CACNA2D2: variants seen among roughly 807,000 people sequenced by gnomAD.
The protein encoded by CACNA2D2 is voltage-dependent calcium channel subunit alpha-2/delta-2.
CACNA2D2 carries 48 observed loss-of-function variants against 166.4 expected under a neutral mutation model. The ratio of observed to expected loss-of-function variants is 0.29; its 90% CI spans 0.23 to 0.37. The LOEUF is 0.37. Ranked by LOEUF, CACNA2D2 falls within the 10% of genes least tolerant of loss-of-function variation. CACNA2D2 has a pLI of 1.00. For synonymous variants in CACNA2D2, 561 were observed against 573.7 expected (o/e 0.98, Z 0.32); for missense variants, 1,122 against 1,433.0 (o/e 0.78, Z 3.50).
chr3:50,367,434 C>T lies in CACNA2D2; in HGVS notation c.2361G>A (p.Leu787=), dbSNP rs755582051. Residue 787 remains leucine, a synonymous_variant, in exon 27 of 38, where the codon CTG becomes CTA. Transcript: ENST00000424201. This position sits in a 1 kb window ranked among gnomAD's most constrained non-coding sequence, Gnocchi z 6.5. ...PFNASFYRRS[L]DNHGYVFKPP... is the part of the protein sequence containing the mutation. ...GCTTGAAGACATAACCGTGGTTATC[C>T]AGGCTGCGGCGGTAGAAGCTGGCAT... 1 of 1,613,926 alleles carries T rather than the reference C, an allele frequency of 6.2e-7. No individual in the cohort carries two copies. Among genetic ancestry groups the T allele is most frequent in the Non-Finnish European group, 8.5e-7 (1 of 1,180,026 alleles).
At chr3:50,466,439 G>A (rs561340325) in intron 2 of CACNA2D2, among the ~76,000 whole-genome samples, 220 of 152,266 alleles carry the variant, frequency 1.4e-3, no homozygotes, top group Non-Finnish European at 2.7e-3. Flanking sequence ...ACCTCCACAG[G>A]CAGCACTCAG....
chr3:50,393,308 C>A (rs538546976), intron 4 of CACNA2D2, among the ~76,000 whole-genome samples: 1 of 152,322 alleles, frequency 6.6e-6, no homozygotes, highest in Admixed American at 6.5e-5. Context: ...GGCCCAGACA[C>A]CCCAGCAGCT....
chr3:50,375,490 T>C lies in CACNA2D2; in HGVS notation c.1907+154A>G, dbSNP rs1424146612. ...GTTCCTTAAAAGCCAGGGAGTCTCT[T>C]GGCAGACTAAGCATCTCAGGGTGAG... On this transcript the variant is annotated intron_variant, in intron 21 of 37. Coordinates refer to ENST00000424201, the MANE Select transcript of CACNA2D2 (RefSeq NM_006030.4). The surrounding 1 kb of genome is among the most constrained non-coding windows in gnomAD (Gnocchi z 4.0). Among the ~76,000 whole-genome samples the C allele has an allele frequency of 6.6e-6, 1 of 152,152 alleles. No homozygotes were observed. The highest frequency in any genetic ancestry group is 1.9e-4 in the East Asian group (1 of 5,196).
intron 2 of CACNA2D2, among the ~76,000 whole-genome samples, chr3:50,449,379 C>T (rs973919894): frequency 6.6e-6 from 1 of 152,138 alleles, no homozygotes; most frequent in Non-Finnish European, 1.5e-5. Context: ...GCAGGTCTCC[C>T]CTCTAGGAGG....
chr3:50,497,969 T>C (rs1698792513), intron 1 of CACNA2D2, among the ~76,000 whole-genome samples: 1 of 152,034 alleles, frequency 6.6e-6, no homozygotes, highest in Admixed American at 6.5e-5. Flanking sequence ...TCTTCCCAGT[T>C]GGCTGGAGGG....
chr3:50,391,865 C>A (rs1378697269), intron 4 of CACNA2D2, among the ~76,000 whole-genome samples: 1 of 152,204 alleles, frequency 6.6e-6, no homozygotes, highest in Non-Finnish European at 1.5e-5. Flanking sequence ...TGGGCGCCAT[C>A]CTCCCCATCT....
intron 2 of CACNA2D2, among the ~76,000 whole-genome samples, chr3:50,436,610 TGA>T (rs1708362356): frequency 6.6e-6 from 1 of 152,198 alleles, no homozygotes; most frequent in Non-Finnish European, 1.5e-5. Context: ...ATCTATTAAA[TGA>T]GAGAACAGTA....
intron 3 of CACNA2D2, among the ~76,000 whole-genome samples, chr3:50,428,418 C>T (rs1042331209): frequency 6.6e-6 from 1 of 152,180 alleles, no homozygotes; most frequent in Admixed American, 6.5e-5. Flanking sequence ...CTGGCTCACA[C>T]CTCCTGCCCC....
intron 4 of CACNA2D2, among the ~76,000 whole-genome samples, chr3:50,393,499 A>T (rs1455525761): frequency 6.6e-6 from 1 of 152,240 alleles, no homozygotes; most frequent in Non-Finnish European, 1.5e-5. Context: ...ACTCAGGCCT[A>T]GGCTGGGATG....
In CACNA2D2 at chr3:50,380,409, G is replaced by C. The variant is rs1195743768; in HGVS notation, c.842+339C>G. ...AGGGAGCTGCCGGAGGGGCAGAACA[G>C]AGGGGAGGGATATCTGGGGCTCAGA... On this transcript the variant is annotated intron_variant, in intron 8 of 37. Transcript: ENST00000424201. This position sits in a 1 kb window ranked among gnomAD's most constrained non-coding sequence, Gnocchi z 4.9. 6.6e-6 allele frequency among the ~76,000 whole-genome samples: 1 copy of C among 152,202 alleles called. No homozygotes were observed. The highest frequency in any genetic ancestry group is 1.5e-5 in the Non-Finnish European group (1 of 68,040).
At chr3:50,470,481 C>A (rs1710021848) in intron 2 of CACNA2D2, among the ~76,000 whole-genome samples, 1 of 151,960 alleles carries the variant, frequency 6.6e-6, no homozygotes, top group South Asian at 2.1e-4. Context: ...GCGACCTAAG[C>A]CAGTCAGCTG....
Position 50,414,966 on chromosome 3 carries a change from T to C in CACNA2D2, c.405+19347A>G, listed in dbSNP as rs894201903. On this transcript the variant is annotated intron_variant, in intron 3 of 37. Transcript: ENST00000424201. ...ATGAAGAGAATTTGTAAGTGACGCATGGCTTCAGAGGCACTGAGGAGGAGG... is the reference window on the plus strand; with the variant it reads ...ATGAAGAGAATTTGTAAGTGACGCACGGCTTCAGAGGCACTGAGGAGGAGG... 2.0e-5 allele frequency among the ~76,000 whole-genome samples: 3 copies of C among 152,208 alleles called. No individual in the cohort carries two copies. In the South Asian group the frequency reaches 6.2e-4, roughly 31 times the overall value.
At position 50,397,102 on chromosome 3, in the gene CACNA2D2, G is replaced by C. The variant is rs531156128; in HGVS notation, c.406-2934C>G. Among the ~76,000 whole-genome samples, 6 of 152,298 alleles carry C rather than the reference G, an allele frequency of 3.9e-5. No individual in the cohort carries two copies. The East Asian group carries it at 1.2e-3, about 29-fold the overall frequency. On this transcript the variant is annotated intron_variant, in intron 3 of 37. Coordinates refer to ENST00000424201, the MANE Select transcript of CACNA2D2 (RefSeq NM_006030.4). ...GGGGCTACAGGCCCCTCTGGCTCCA[G>C]AGCCTAGCAGACAGGGCAAGGGAGA...
chr3:50,444,357 T>C (rs1247169426), intron 2 of CACNA2D2, among the ~76,000 whole-genome samples: 2 of 152,242 alleles, frequency 1.3e-5, no homozygotes, highest in Non-Finnish European at 2.9e-5. Flanking sequence ...CAGCCAAGAA[T>C]GGCCAAAAGC....
At chr3:50,394,695 G>T (rs993171937) in intron 3 of CACNA2D2, among the ~76,000 whole-genome samples, 1 of 152,236 alleles carries the variant, frequency 6.6e-6, no homozygotes, top group African/African-American at 2.4e-5. Flanking sequence ...AGCCTGTCCT[G>T]TTCTTTGGGG....
rs587628136 is a variant in CACNA2D2, at chr3:50,363,813, C to T, written c.*853G>A. 3.9e-3 allele frequency: 593 copies of T among 152,872 alleles called. 7 individuals are homozygous for T. The highest frequency in any genetic ancestry group is 5.1e-3 in the Non-Finnish European group (349 of 68,246). The allele number at this position is 152,872 out of a possible 1,614,324, so 9.5% of individuals were successfully genotyped here. On this transcript the variant is annotated 3_prime_UTR_variant, in exon 38 of 38. Coordinates refer to ENST00000424201, the MANE Select transcript of CACNA2D2 (RefSeq NM_006030.4). Reference sequence around the variant, plus strand: ...TAGGGGTGGGACAGAGGGTTCTTCACCCCCTGCCCCAGCATTTGGCACTGT... The same window carrying T: ...TAGGGGTGGGACAGAGGGTTCTTCATCCCCTGCCCCAGCATTTGGCACTGT...
chr3:50,482,852 C>T (rs1309454361), intron 1 of CACNA2D2, among the ~76,000 whole-genome samples: 2 of 152,164 alleles, frequency 1.3e-5, no homozygotes, highest in Non-Finnish European at 2.9e-5. Context: ...AAAGAGAAGA[C>T]TCTCAGGTTT....
chr3:50,479,151 T>C (rs1289290741), intron 1 of CACNA2D2, among the ~76,000 whole-genome samples: 4 of 152,208 alleles, frequency 2.6e-5, no homozygotes, highest in East Asian at 1.9e-4. Flanking sequence ...CCCCAAGATA[T>C]ACACGCTCAC....
At position 50,375,912 on chromosome 3, in the gene CACNA2D2, C is replaced by T. The variant is rs745585976; in HGVS notation, c.1774-32G>A. ...GGGCCAGAGATGTGAGGGGCAGGGC[C>T]CCTACACTCCTCTGCTCTGTCCCCC... On this transcript the variant is annotated intron_variant, in intron 19 of 37. Coordinates refer to ENST00000424201, the MANE Select transcript of CACNA2D2 (RefSeq NM_006030.4). This position sits in a 1 kb window ranked among gnomAD's most constrained non-coding sequence, Gnocchi z 4.0. 6.2e-6 allele frequency: 10 copies of T among 1,612,996 alleles called. No homozygotes were observed. The South Asian group carries it at 9.9e-5, about 16-fold the overall frequency.
Sources: gnomAD v4.1 joint callset for allele counts (sites outside exome capture counted in the v4.1 genomes callset) on GRCh38, gnomAD v4.1.1 for gene constraint, Gnocchi (gnomAD v3.1) non-coding constraint, MANE v1.5 for transcripts, NCBI Gene and HGNC (gene_info 2026-07-23, HGNC 2026-07-21) for gene names.